Variants in CCDC86 observed in about 807,000 individuals in gnomAD.
CCDC86 encodes the protein coiled-coil domain containing 86, also known as coiled-coil domain-containing protein 86.
CCDC86 carries 28 observed loss-of-function variants against 36.7 expected under a neutral mutation model. The ratio of observed to expected loss-of-function variants is 0.76; its 90% CI spans 0.57 to 1.05. The LOEUF (loss-of-function observed/expected upper bound fraction) is 1.05, where lower values mean the gene tolerates loss of function less well. Among genes scored for constraint, CCDC86 ranks in the 50% least tolerant of loss-of-function variants. CCDC86 has a pLI of 0.00. For missense variants in CCDC86, 453 were observed against 470.2 expected (o/e 0.96, Z 0.34); for synonymous variants, 199 against 203.4 (o/e 0.98, Z 0.18).
rs780403526 is a variant in CCDC86, at chr11:60,842,870, G to C, written c.746G>C (p.Arg249Pro). The C allele has an allele frequency of 8.9e-6, 14 of 1,564,424 alleles. No individual in the cohort carries two copies. Among genetic ancestry groups the C allele is most frequent in the African/African-American group, 6.8e-5 (5 of 73,218 alleles). The change falls in exon 1 of 4, where the codon CGC (arginine) becomes CCC (proline). Residue 249 changes from arginine to proline, a missense_variant. By Grantham distance (103) the Arg-to-Pro change is moderately radical (BLOSUM62 -2). Transcript: ENST00000227520. ...KPKSGRVWKD[R>P]SKKRFSQMLQ... is the part of the protein sequence containing the mutation. ...AAATCGGGGCGAGTGTGGAAGGACC[G>C]CTCCAAGAAAAGGTGAAGTGGGGGA... is the stretch of plus-strand genomic sequence containing the variant.
chr11:60,843,034 G>A, intron 1 of CCDC86, 152 bp downstream of exon 1: 1 of 1,083,812 alleles, frequency 9.2e-7, no homozygotes, highest in Non-Finnish European at 1.3e-6. Context: ...ATCAGAATGT[G>A]GTAAAATGCC....
intron 2 of CCDC86, among the ~76,000 whole-genome samples, chr11:60,849,323 A>G (rs1855223944): frequency 6.6e-6 from 1 of 152,226 alleles, no homozygotes; most frequent in Admixed American, 6.5e-5. Flanking sequence ...TACGAGGTAG[A>G]TACTGTGGTC....
At chr11:60,845,465 G>A (rs1400772253) in intron 1 of CCDC86, among the ~76,000 whole-genome samples, 1 of 152,226 alleles carries the variant, frequency 6.6e-6, no homozygotes, top group Non-Finnish European at 1.5e-5. Flanking sequence ...CTGCAGGCAA[G>A]TCTGTGGCGA....
At chr11:60,842,930 G>C (rs752447117) in intron 1 of CCDC86, 48 bp downstream of exon 1, 1 of 1,519,344 alleles carries the variant, frequency 6.6e-7, no homozygotes. Flanking sequence ...CTATGGTGTT[G>C]GGACCCCGCC....
Position 60,848,141 on chromosome 11 carries a change from G to A in CCDC86, c.888+88G>A, listed in dbSNP as rs1296621226. Reference sequence around the variant, plus strand: ...ACCTGAGGCGAGGGCCTCCACGGGTGCCTGGGGGAGGCCGACTTGGTTAAA... The same window carrying A: ...ACCTGAGGCGAGGGCCTCCACGGGTACCTGGGGGAGGCCGACTTGGTTAAA... On this transcript the variant is annotated intron_variant, in intron 2 of 3. Transcript: ENST00000227520. The A allele has an allele frequency of 2.0e-6, 3 of 1,469,536 alleles. No individual in the cohort carries two copies. In the Admixed American group the frequency reaches 6.8e-5, roughly 33 times the overall value. The allele number at this position is 1,469,536 out of a possible 1,614,324, so 91.0% of individuals were successfully genotyped here. A position where few individuals can be genotyped will look rare whatever the true frequency, so the allele number is the denominator to read the frequency against.
At position 60,842,240 on chromosome 11, in the gene CCDC86, C is replaced by G. The variant is rs555300101; in HGVS notation, c.116C>G (p.Pro39Arg). The change falls in exon 1 of 4, where the codon CCA (proline) becomes CGA (arginine). Residue 39 changes from proline (P) to arginine (R), a missense_variant. Coordinates refer to ENST00000227520, the MANE Select transcript of CCDC86 (RefSeq NM_024098.4). ...RRALVEFESN[P>R]EETREPGSPP... ...GCCCTTGTGGAGTTCGAGTCGAACC[C>G]AGAAGAAACGAGGGAGCCCGGGTCT... 1.2e-5 allele frequency: 20 copies of G among 1,613,400 alleles called. No homozygotes were observed. In the Admixed American group the frequency reaches 3.2e-4, roughly 26 times the overall value.
At position 60,851,009 on chromosome 11, in the gene CCDC86, A is replaced by G. The variant is rs1855257797; in HGVS notation, c.*684A>G. 1 of 152,266 alleles carries G rather than the reference A, an allele frequency of 6.6e-6. No homozygotes were observed. The highest frequency in any genetic ancestry group is 2.4e-5 in the African/African-American group (1 of 41,450). 9.4% of individuals were successfully genotyped at this position (152,266 alleles called of 1,614,324 possible). On this transcript the variant is annotated 3_prime_UTR_variant, in exon 4 of 4. Coordinates refer to ENST00000227520, the MANE Select transcript of CCDC86 (RefSeq NM_024098.4). ...TCCTAGGCACCGGCAAATACAGACA[A>G]TAGACCAAAGTCCCTGCCCTCGAGG... is the stretch of plus-strand genomic sequence containing the variant.
intron 1 of CCDC86, among the ~76,000 whole-genome samples, chr11:60,844,742 G>C (rs4939467): frequency 0.3 from 46,174 of 152,156 alleles, 7,163 homozygotes; most frequent in Middle Eastern, 0.36. Context: ...GGCTCCGTGA[G>C]AGTGTAAGAG....
Position 60,842,227 on chromosome 11 carries a change from T to G in CCDC86, c.103T>G (p.Phe35Val). ...GCGGACGAGACGGGCCCTTGTGGAG[T>G]TCGAGTCGAACCCAGAAGAAACGAG... ...VSRTRRALVE[F>V]ESNPEETREP... The change falls in exon 1 of 4, where the codon TTC becomes GTC. Residue 35 changes from phenylalanine (F) to valine (V), a missense_variant. Physicochemically the swap from Phe to Val is conservative, Grantham distance 50. Coordinates refer to ENST00000227520, the MANE Select transcript of CCDC86 (RefSeq NM_024098.4). 1 of 1,610,292 alleles carries G rather than the reference T, an allele frequency of 6.2e-7. No homozygotes were observed. Among genetic ancestry groups the G allele is most frequent in the Non-Finnish European group, 8.5e-7 (1 of 1,179,466 alleles).
intron 1 of CCDC86, among the ~76,000 whole-genome samples, chr11:60,845,184 G>A (rs759031426): frequency 3.9e-5 from 6 of 152,188 alleles, no homozygotes; most frequent in African/African-American, 9.7e-5. Flanking sequence ...CCGTTTGAGA[G>A]GCTTTCCAGA....
At position 60,850,484 on chromosome 11, in the gene CCDC86, C is replaced by A; in HGVS notation, c.*159C>A. 1 of 928,280 alleles carries A rather than the reference C, an allele frequency of 1.1e-6. No individual in the cohort carries two copies. The highest frequency in any genetic ancestry group is 1.6e-6 in the Non-Finnish European group (1 of 636,798). The allele number at this position is 928,280 out of a possible 1,614,324, so 57.5% of individuals were successfully genotyped here. The stretch of plus-strand genomic sequence containing the variant: ...GGGGCTCCTCGGCCTTTGAAGGCTT[C>A]CAGGCAGGTCTGTGTGGGACAGAAG... On this transcript the variant is annotated 3_prime_UTR_variant, in exon 4 of 4. Coordinates refer to ENST00000227520, the MANE Select transcript of CCDC86 (RefSeq NM_024098.4).
chr11:60,849,873 C>T, intron 2 of CCDC86, 67 bp from the exon 3 acceptor site: 1 of 1,369,782 alleles, frequency 7.3e-7, no homozygotes, highest in Non-Finnish European at 1.0e-6. Context: ...TCGCACTCTT[C>T]TGGGGCCTGA....
intron 1 of CCDC86, 125 bp from the exon 2 acceptor site, chr11:60,847,799 C>T (rs1855205356): frequency 7.6e-7 from 1 of 1,318,052 alleles, no homozygotes; most frequent in African/African-American, 1.5e-5. Flanking sequence ...GCCTGTCAGG[C>T]CAGCAAGGAG....
In CCDC86 at chr11:60,849,102, A is replaced by G. The variant is rs147655762; in HGVS notation, c.889-838A>G. Among the ~76,000 whole-genome samples, 426 of 152,106 alleles carry G rather than the reference A, an allele frequency of 2.8e-3. 2 individuals carry two copies. Among genetic ancestry groups the G allele is most frequent in the African/African-American group, 9.5e-3 (393 of 41,516 alleles). On this transcript the variant is annotated intron_variant, in intron 2 of 3. Transcript: ENST00000227520. ...TGGGCCACCCCTGCTACCCCAAGTC[A>G]CCAAAGCCAGCAGAGACTCCTAACC... is the stretch of plus-strand genomic sequence containing the variant.
Position 60,850,283 on chromosome 11 carries a change from G to A in CCDC86, c.1041G>A (p.Leu347=). The A allele has an allele frequency of 1.2e-6, 2 of 1,614,148 alleles. No homozygotes were observed. Among genetic ancestry groups the A allele is most frequent in the Non-Finnish European group, 1.7e-6 (2 of 1,179,984 alleles). Reference sequence around the variant, plus strand: ...TTGAGAAGCGGGACACCCTGGCCCTGCTGCAGAAGCAGCCGCCCCAGCAGC... The same window carrying A: ...TTGAGAAGCGGGACACCCTGGCCCTACTGCAGAAGCAGCCGCCCCAGCAGC... ...RSIEKRDTLA[L]LQKQPPQQPA... Residue 347 remains leucine, a synonymous_variant, in exon 4 of 4, where the codon CTG becomes CTA. Coordinates refer to ENST00000227520, the MANE Select transcript of CCDC86 (RefSeq NM_024098.4).
At chr11:60,844,046 C>G (rs549366) in intron 1 of CCDC86, among the ~76,000 whole-genome samples, 38,304 of 152,158 alleles carry the variant, frequency 0.25, 6,164 homozygotes, top group East Asian at 0.74. Flanking sequence ...AGGAGAATGG[C>G]AGGGCCGTTG....
rs1317227582 is a variant in CCDC86, at chr11:60,847,173, TC to T, written c.759-748del. Among the ~76,000 whole-genome samples, 7 of 151,824 alleles carry T rather than the reference TC, an allele frequency of 4.6e-5. No individual in the cohort carries two copies. In the South Asian group the frequency reaches 1.5e-3, roughly 32 times the overall value. On this transcript the variant is annotated intron_variant, in intron 1 of 3. Coordinates refer to ENST00000227520, the MANE Select transcript of CCDC86 (RefSeq NM_024098.4). ...ATCTCGGCTCACTGCAACCTCCACC[TC>T]CCAGGTTCAAGCAATTGTTGTACCT...
rs374168203 is a variant in CCDC86, at chr11:60,849,973, C to G, written c.922C>G (p.Arg308Gly). The G allele has an allele frequency of 3.7e-6, 6 of 1,614,184 alleles. No individual in the cohort carries two copies. In the Admixed American group the frequency reaches 1.0e-4, roughly 27 times the overall value. The change falls in exon 3 of 4, where the codon CGC becomes GGC. Residue 308 changes from arginine to glycine, a missense_variant. Transcript: ENST00000227520. ...ACAGCGCCGGGCTGAGAACCTGAAA[C>G]GCCGCCTGGAGAATGAGCGGAAGGC... ...KKQRRAENLK[R>G]RLENERKAEV...
chr11:60,849,320 T>C (rs1419492729), intron 2 of CCDC86, among the ~76,000 whole-genome samples: 1 of 152,174 alleles, frequency 6.6e-6, no homozygotes, highest in African/African-American at 2.4e-5. Flanking sequence ...TCTTACGAGG[T>C]AGATACTGTG....
Sources: gnomAD v4.1 joint callset for allele counts (sites outside exome capture counted in the v4.1 genomes callset) on GRCh38, gnomAD v4.1.1 for gene constraint, MANE v1.5 for transcripts, NCBI Gene and HGNC (gene_info 2026-07-23, HGNC 2026-07-21) for gene names.